NELL1: variants seen among roughly 807,000 people sequenced by gnomAD.
The protein encoded by NELL1 is neural EGFL like 1.
Under a neutral mutation model 107.4 loss-of-function variants are expected in NELL1, and 76 were observed. That is an observed-to-expected ratio of 0.71 (90% CI 0.59 to 0.86). The LOEUF is 0.86. Ranked by LOEUF, NELL1 falls within the 40% of genes least tolerant of loss-of-function variation. The pLI is 0.00. For synonymous variants in NELL1, 353 were observed against 341.2 expected (o/e 1.03, Z -0.38); for missense variants, 1,024 against 1,005.5 (o/e 1.02, Z -0.25).
intron 11 of NELL1, among the ~76,000 whole-genome samples, chr11:20,959,198 A>G (rs1442360586): frequency 6.6e-6 from 1 of 152,204 alleles, no homozygotes; most frequent in Non-Finnish European, 1.5e-5. Context: ...GTGAACAGGG[A>G]GCACTTCTTC....
At chr11:21,053,340 A>T (rs1853541791) in intron 12 of NELL1, among the ~76,000 whole-genome samples, 1 of 151,970 alleles carries the variant, frequency 6.6e-6, no homozygotes, top group African/African-American at 2.4e-5. Flanking sequence ...TTCATTGTTC[A>T]ACTCCCACTT....
At chr11:21,404,184 G>A (rs1852175151) in intron 15 of NELL1, among the ~76,000 whole-genome samples, 1 of 151,706 alleles carries the variant, frequency 6.6e-6, no homozygotes, top group African/African-American at 2.4e-5. Context: ...AAGTAAAGGG[G>A]GAAATATAAG....
chr11:21,463,205 G>C (rs1853944235), intron 15 of NELL1, among the ~76,000 whole-genome samples: 1 of 152,060 alleles, frequency 6.6e-6, no homozygotes, highest in Admixed American at 6.6e-5. Context: ...TTGTCTGGGT[G>C]ATTGTTGGCT....
At chr11:20,956,886 CA>C (rs1326245758) in intron 11 of NELL1, among the ~76,000 whole-genome samples, 1 of 151,852 alleles carries the variant, frequency 6.6e-6, no homozygotes, top group Non-Finnish European at 1.5e-5. Flanking sequence ...TTGAACTTCT[CA>C]AATTTTATGG....
At chr11:21,257,156 A>G (rs1858790542) in intron 14 of NELL1, among the ~76,000 whole-genome samples, 1 of 151,974 alleles carries the variant, frequency 6.6e-6, no homozygotes, top group Non-Finnish European at 1.5e-5. Context: ...GGAGGGACGA[A>G]CAGTGTCAAC....
intron 4 of NELL1, among the ~76,000 whole-genome samples, chr11:20,866,627 A>T (rs1286965057): frequency 6.6e-6 from 1 of 152,182 alleles, no homozygotes; most frequent in Non-Finnish European, 1.5e-5. Flanking sequence ...GCTAAAAGGA[A>T]ATGGCCATGG....
chr11:21,067,150 A>G (rs1406143700), intron 12 of NELL1, among the ~76,000 whole-genome samples: 1 of 152,048 alleles, frequency 6.6e-6, no homozygotes. Flanking sequence ...AAGTATATTT[A>G]TAATTATTAT....
chr11:21,086,174 C>T (rs971042392), intron 12 of NELL1, among the ~76,000 whole-genome samples: 4 of 152,160 alleles, frequency 2.6e-5, no homozygotes, highest in Non-Finnish European at 5.9e-5. Flanking sequence ...TAACACCTGA[C>T]CAGATCTGTT....
At chr11:21,264,902 TGAA>T (rs1257566501) in intron 14 of NELL1, among the ~76,000 whole-genome samples, 1 of 151,940 alleles carries the variant, frequency 6.6e-6, no homozygotes, top group African/African-American at 2.4e-5. Context: ...AGAGAGCAGT[TGAA>T]GAAAAATAAT....
intron 5 of NELL1, among the ~76,000 whole-genome samples, chr11:20,910,157 C>T (rs947159057): frequency 1.3e-5 from 2 of 152,166 alleles, no homozygotes; most frequent in African/African-American, 4.8e-5. Flanking sequence ...GCAATGTTGA[C>T]GACTGGACCA....
chr11:20,871,753 C>T (rs1274510899), intron 4 of NELL1, among the ~76,000 whole-genome samples: 2 of 151,988 alleles, frequency 1.3e-5, no homozygotes, highest in Non-Finnish European at 2.9e-5. Context: ...GGCGTGGTGG[C>T]TCACACCTGT....
intron 3 of NELL1, among the ~76,000 whole-genome samples, chr11:20,785,037 G>A (rs1367535567): frequency 1.3e-5 from 2 of 152,216 alleles, no homozygotes; most frequent in Non-Finnish European, 2.9e-5. Context: ...GAGTGCTCTT[G>A]AAGCACAGGC....
At chr11:20,713,839 G>T (rs1397042027) in intron 2 of NELL1, among the ~76,000 whole-genome samples, 1 of 152,108 alleles carries the variant, frequency 6.6e-6, no homozygotes, top group Non-Finnish European at 1.5e-5. Flanking sequence ...TGCCTAGAAG[G>T]CTCTTCCTGC....
At chr11:20,961,911 T>C (rs1014150095) in intron 12 of NELL1, among the ~76,000 whole-genome samples, 6 of 152,164 alleles carry the variant, frequency 3.9e-5, no homozygotes, top group African/African-American at 1.4e-4. Flanking sequence ...CCTCTAGTTA[T>C]CAAGAGGATA....
chr11:21,082,170 G>C (rs1854284937), intron 12 of NELL1, among the ~76,000 whole-genome samples: 1 of 152,064 alleles, frequency 6.6e-6, no homozygotes, highest in Non-Finnish European at 1.5e-5. Context: ...TCTTGGTTTA[G>C]GCAGCTGAAT....
chr11:20,787,501 A>G (rs575465221), intron 3 of NELL1, among the ~76,000 whole-genome samples: 4 of 152,346 alleles, frequency 2.6e-5, no homozygotes, highest in African/African-American at 7.2e-5. Flanking sequence ...GAAATTTGGC[A>G]TGGACATTTG....
At chr11:21,471,331 T>C (rs916875956) in intron 15 of NELL1, among the ~76,000 whole-genome samples, 2 of 152,086 alleles carry the variant, frequency 1.3e-5, no homozygotes, top group South Asian at 4.1e-4. Context: ...ATAAAATTAT[T>C]AGGCTTGCCA....
intron 12 of NELL1, among the ~76,000 whole-genome samples, chr11:20,993,363 C>T (rs1852019619): frequency 6.6e-6 from 1 of 152,146 alleles, no homozygotes; most frequent in Admixed American, 6.5e-5. Flanking sequence ...TGTTTGTTGA[C>T]TACATGAACA....
chr11:20,791,947 A>C (rs1167181560), intron 3 of NELL1, among the ~76,000 whole-genome samples: 1 of 152,018 alleles, frequency 6.6e-6, no homozygotes, highest in Admixed American at 6.6e-5. Flanking sequence ...CCAAACTTGC[A>C]TTCCTGGGAT....
Sources: gnomAD v4.1 joint callset for allele counts (sites outside exome capture counted in the v4.1 genomes callset) on GRCh38, gnomAD v4.1.1 for gene constraint, MANE v1.5 for transcripts, NCBI Gene and HGNC (gene_info 2026-07-23, HGNC 2026-07-21) for gene names.